CSMD1: variants seen among roughly 807,000 people sequenced by gnomAD.
CSMD1 encodes the protein CUB and sushi domain-containing protein 1.
In CSMD1, 213 loss-of-function variants were observed where a neutral mutation model predicts 417.5. The observed-to-expected ratio is 0.51, with a 90% CI of 0.46 to 0.57. CSMD1 has a LOEUF of 0.57. Among genes scored for constraint, CSMD1 ranks in the 20% least tolerant of loss-of-function variants. The pLI is 0.00. For synonymous variants in CSMD1, 2,862 were observed against 1,736.8 expected (o/e 1.65, Z -16.11); for missense variants, 6,923 against 4,529.7 (o/e 1.53, Z -15.17).
intron 6 of CSMD1, among the ~76,000 whole-genome samples, chr8:3,745,162 T>A (rs1395801727): frequency 6.6e-6 from 1 of 152,246 alleles, no homozygotes; most frequent in Non-Finnish European, 1.5e-5. Flanking sequence ...AAAATATCTA[T>A]GAAAAACCAT....
At chr8:3,765,235 G>A (rs536123088) in intron 5 of CSMD1, among the ~76,000 whole-genome samples, 1 of 152,108 alleles carries the variant, frequency 6.6e-6, no homozygotes, top group Non-Finnish European at 1.5e-5. Flanking sequence ...TGTCTGCTGT[G>A]CTCCTGCTTT....
chr8:3,484,932 G>A (rs1006025220), intron 11 of CSMD1, among the ~76,000 whole-genome samples: 11 of 152,174 alleles, frequency 7.2e-5, no homozygotes, highest in African/African-American at 1.7e-4. Context: ...TTGTGGGGAC[G>A]GCGTGAGCAT....
intron 1 of CSMD1, among the ~76,000 whole-genome samples, chr8:4,766,221 C>A (rs1201819243): frequency 6.6e-6 from 1 of 152,118 alleles, no homozygotes; most frequent in Non-Finnish European, 1.5e-5. Flanking sequence ...TGTGCTGGTG[C>A]GTTGGCAACA....
intron 1 of CSMD1, among the ~76,000 whole-genome samples, chr8:4,893,976 T>G (rs1332932603): frequency 6.6e-6 from 1 of 152,126 alleles, no homozygotes; most frequent in African/African-American, 2.4e-5. Context: ...AGGTACAGAT[T>G]TTCAAGAAGG....
At chr8:4,942,144 T>A (rs1214652764) in intron 1 of CSMD1, among the ~76,000 whole-genome samples, 1 of 152,122 alleles carries the variant, frequency 6.6e-6, no homozygotes, top group Non-Finnish European at 1.5e-5. Flanking sequence ...TATAATATAC[T>A]CCCTATTTAT....
At chr8:4,038,095 GA>G (rs1161843969) in intron 3 of CSMD1, among the ~76,000 whole-genome samples, 2 of 151,906 alleles carry the variant, frequency 1.3e-5, no homozygotes, top group African/African-American at 4.8e-5. Flanking sequence ...CAGCAAATGG[GA>G]AAAAATGATT....
chr8:3,397,162 G>A (rs1439261477), intron 16 of CSMD1, among the ~76,000 whole-genome samples: 1 of 152,066 alleles, frequency 6.6e-6, no homozygotes, highest in Non-Finnish European at 1.5e-5. Context: ...TCTGATCCTC[G>A]AAGAGCTAAC....
At chr8:4,926,682 C>CT (rs1441752643) in intron 1 of CSMD1, among the ~76,000 whole-genome samples, 5 of 151,788 alleles carry the variant, frequency 3.3e-5, no homozygotes, top group South Asian at 2.1e-4. Context: ...CTGGGCTTTT[C>CT]TTTTTTTTCG....
chr8:3,162,532 C>G (rs1161484142), intron 37 of CSMD1, among the ~76,000 whole-genome samples: 1 of 152,086 alleles, frequency 6.6e-6, no homozygotes, highest in Non-Finnish European at 1.5e-5. Flanking sequence ...AAATTTGTTA[C>G]TTCCACATTG....
intron 7 of CSMD1, among the ~76,000 whole-genome samples, chr8:3,633,019 T>A (rs1796859351): frequency 6.6e-6 from 1 of 152,244 alleles, no homozygotes; most frequent in South Asian, 2.1e-4. Flanking sequence ...CCTCAGTGAG[T>A]GTCCTACTAA....
intron 5 of CSMD1, among the ~76,000 whole-genome samples, chr8:3,873,683 C>G (rs1262224082): frequency 6.6e-6 from 1 of 151,994 alleles, no homozygotes. Context: ...ACATGTATCC[C>G]TGAACTTAAA....
intron 6 of CSMD1, among the ~76,000 whole-genome samples, chr8:3,743,216 T>C (rs1354796664): frequency 2.0e-5 from 3 of 152,184 alleles, no homozygotes; most frequent in Non-Finnish European, 2.9e-5. Context: ...TGTTCTGCCC[T>C]TTTTTTGTGG....
chr8:3,151,753 C>T (rs892418732), intron 39 of CSMD1, among the ~76,000 whole-genome samples: 3 of 152,216 alleles, frequency 2.0e-5, no homozygotes, highest in Admixed American at 2.0e-4. Context: ...TCTCCTCTCA[C>T]ACTCAAAGGC....
chr8:3,040,126 G>C (rs571165669), intron 50 of CSMD1, among the ~76,000 whole-genome samples: 2 of 152,234 alleles, frequency 1.3e-5, no homozygotes, highest in Middle Eastern at 3.4e-3. Context: ...TTCAGAGTGA[G>C]AAGTCAGGCT....
intron 3 of CSMD1, among the ~76,000 whole-genome samples, chr8:4,208,403 T>C (rs1298404142): frequency 6.6e-6 from 1 of 152,196 alleles, no homozygotes; most frequent in Non-Finnish European, 1.5e-5. Flanking sequence ...CCTATTATAA[T>C]TACCATGTTA....
chr8:4,910,906 G>A (rs998087228), intron 1 of CSMD1, among the ~76,000 whole-genome samples: 2 of 152,156 alleles, frequency 1.3e-5, no homozygotes, highest in African/African-American at 4.8e-5. Context: ...GACCCAGTGG[G>A]AGGTAATTGA....
intron 22 of CSMD1, among the ~76,000 whole-genome samples, chr8:3,344,004 A>G (rs1266806879): frequency 6.6e-6 from 1 of 152,180 alleles, no homozygotes; most frequent in East Asian, 1.9e-4. Flanking sequence ...GTATCTCATC[A>G]TGCAATAGTA....
chr8:3,442,312 C>T (rs1266282624), intron 12 of CSMD1, among the ~76,000 whole-genome samples: 2 of 152,092 alleles, frequency 1.3e-5, no homozygotes, highest in Non-Finnish European at 2.9e-5. Context: ...GTTTATAAGT[C>T]TACAGCAGTG....
intron 5 of CSMD1, among the ~76,000 whole-genome samples, chr8:3,943,080 C>A (rs1810988460): frequency 6.6e-6 from 1 of 151,992 alleles, no homozygotes; most frequent in Non-Finnish European, 1.5e-5. Context: ...CTCTCTATTA[C>A]CCCACATTAC....
Sources: allele counts gnomAD v4.1 joint callset (sites outside exome capture counted in the v4.1 genomes callset), GRCh38; gene constraint gnomAD v4.1.1; transcripts MANE v1.5; gene names NCBI Gene and HGNC (gene_info 2026-07-23, HGNC 2026-07-21).